The following LPP variants were observed in gnomAD, a reference collection of about 807,000 sequenced individuals.
LPP encodes the protein LIM domain containing preferred translocation partner in lipoma.
A neutral mutation model predicts 60.4 loss-of-function variants in LPP; 38 were observed. That is an observed-to-expected ratio of 0.63 (90% CI 0.49 to 0.83). The LOEUF (loss-of-function observed/expected upper bound fraction) is 0.83, where lower values mean the gene tolerates loss of function less well. Among genes scored for constraint, LPP ranks in the 40% least tolerant of loss-of-function variants. LPP has a pLI of 0.00. For synonymous variants in LPP, 328 were observed against 290.8 expected (o/e 1.13, Z -1.30); for missense variants, 902 against 783.6 (o/e 1.15, Z -1.80).
intron 8 of LPP, chr3:188,711,964 G>A (rs1711693553): frequency 6.6e-6 from 1 of 152,180 alleles, no homozygotes; most frequent in Non-Finnish European, 1.5e-5. Context: ...CTCATGAGGG[G>A]AGTTTTTGAC....
At chr3:188,852,641 A>C (rs1762929969) in intron 9 of LPP, among the ~76,000 whole-genome samples, 1 of 152,172 alleles carries the variant, frequency 6.6e-6, no homozygotes. Flanking sequence ...TCTGCCCTGG[A>C]ATGACACAGT....
intron 7 of LPP, among the ~76,000 whole-genome samples, chr3:188,674,197 G>A (rs1857518596): frequency 6.6e-6 from 1 of 151,892 alleles, no homozygotes; most frequent in Non-Finnish European, 1.5e-5. Flanking sequence ...GGGATACTAG[G>A]GTTGCAACAA....
At chr3:188,355,243 G>C (rs987689966) in intron 3 of LPP, among the ~76,000 whole-genome samples, 5 of 152,108 alleles carry the variant, frequency 3.3e-5, no homozygotes, top group African/African-American at 1.2e-4. Context: ...TCCTGACCTT[G>C]TGTTCTACCC....
At chr3:188,852,343 ATCT>A (rs1483287221) in intron 9 of LPP, among the ~76,000 whole-genome samples, 25 of 152,166 alleles carry the variant, frequency 1.6e-4, no homozygotes, top group Non-Finnish European at 3.4e-4. Context: ...ATCTCCCTCT[ATCT>A]GCATGTGGTC....
intron 4 of LPP, among the ~76,000 whole-genome samples, chr3:188,450,054 C>T (rs746660554): frequency 2.6e-5 from 4 of 152,136 alleles, no homozygotes; most frequent in African/African-American, 4.8e-5. Context: ...CCGCCCACCT[C>T]GGACTCCCAA....
chr3:188,375,536 G>A (rs1053030903), intron 3 of LPP, among the ~76,000 whole-genome samples: 10 of 152,158 alleles, frequency 6.6e-5, no homozygotes, highest in African/African-American at 2.4e-4. Flanking sequence ...TTGTATTTCT[G>A]TGGGATTGGT....
At chr3:188,805,435 G>A (rs1036388453) in intron 9 of LPP, among the ~76,000 whole-genome samples, 9 of 114,570 alleles carry the variant, frequency 7.9e-5, no homozygotes, top group African/African-American at 3.0e-4. Context: ...TAAGTACTGT[G>A]GTATTGTTTC....
chr3:188,653,254 T>G (rs753646457), intron 7 of LPP, among the ~76,000 whole-genome samples: 1 of 152,222 alleles, frequency 6.6e-6, no homozygotes, highest in Non-Finnish European at 1.5e-5. Flanking sequence ...AAAGGGGGCA[T>G]CACAGGACTT....
At chr3:188,415,803 A>G (rs185807655) in intron 4 of LPP, among the ~76,000 whole-genome samples, 5 of 152,208 alleles carry the variant, frequency 3.3e-5, no homozygotes, top group Non-Finnish European at 5.9e-5. Context: ...GGTCATTCCT[A>G]CAAAGAGGAC....
At chr3:188,647,321 G>A (rs140287506) in intron 7 of LPP, among the ~76,000 whole-genome samples, 239 of 152,234 alleles carry the variant, frequency 1.6e-3, no homozygotes, top group African/African-American at 5.6e-3. Context: ...CGTCTGCTGC[G>A]GTGCCTGATG....
chr3:188,685,528 A>C (rs1860516234), intron 7 of LPP, among the ~76,000 whole-genome samples: 1 of 152,252 alleles, frequency 6.6e-6, no homozygotes, highest in South Asian at 2.1e-4. Context: ...TGTATACCTT[A>C]TCTAATTTGT....
intron 9 of LPP, among the ~76,000 whole-genome samples, chr3:188,779,955 A>G (rs1045111826): frequency 5.4e-5 from 8 of 147,608 alleles, no homozygotes; most frequent in African/African-American, 2.1e-4. Context: ...TCTTATTTAA[A>G]TATATATATA....
chr3:188,830,339 G>T (rs1006757103), intron 9 of LPP, among the ~76,000 whole-genome samples: 3 of 150,618 alleles, frequency 2.0e-5, no homozygotes, highest in Admixed American at 2.0e-4. Flanking sequence ...ACCAGGCGCG[G>T]TGGCTCTGTA....
chr3:188,249,820 TTC>T (rs1420812710), intron 2 of LPP, among the ~76,000 whole-genome samples: 1 of 94,654 alleles, frequency 1.1e-5, no homozygotes, highest in South Asian at 3.6e-4. Flanking sequence ...CTTCCTCTCT[TTC>T]TCTGTCTACA....
chr3:188,459,396 C>G (rs897594756), intron 4 of LPP, among the ~76,000 whole-genome samples: 1 of 152,084 alleles, frequency 6.6e-6, no homozygotes, highest in Non-Finnish European at 1.5e-5. Context: ...GAGAGAGGTA[C>G]ATTATCAAGC....
chr3:188,716,465 G>T (rs1485051718), intron 8 of LPP, among the ~76,000 whole-genome samples: 3 of 152,166 alleles, frequency 2.0e-5, no homozygotes, highest in Admixed American at 2.0e-4. Flanking sequence ...CTGCACTAGT[G>T]GGACCAGTTG....
chr3:188,433,092 G>T (rs1791358974), intron 4 of LPP, among the ~76,000 whole-genome samples: 1 of 151,868 alleles, frequency 6.6e-6, no homozygotes, highest in South Asian at 2.1e-4. Flanking sequence ...TATCTAGGCT[G>T]GAGATTAACT....
chr3:188,695,784 C>T (rs1332669362), intron 7 of LPP, among the ~76,000 whole-genome samples: 3 of 152,230 alleles, frequency 2.0e-5, no homozygotes, highest in Non-Finnish European at 1.5e-5. Context: ...CATTGGTCTC[C>T]AGCTTCTGGT....
In LPP at chr3:188,882,366, A is replaced by AC. The variant is rs957454710; in HGVS notation, c.*7887_*7888insC. On this transcript the variant is annotated 3_prime_UTR_variant, in exon 12 of 12. Coordinates refer to ENST00000617246, the MANE Select transcript of LPP (RefSeq NM_001375462.1). The stretch of plus-strand genomic sequence containing the variant: ...GAAATTCCTTCTTAACAGAAAAAAA[A>AC]GGCTTCCAAATAATCAGGCTGAATG... 6.7e-5 allele frequency: 15 copies of AC among 225,122 alleles called. No homozygotes were observed. The highest frequency in any genetic ancestry group is 1.3e-3 in the Middle Eastern group (1 of 762). 13.9% of individuals were successfully genotyped at this position (225,122 alleles called of 1,614,324 possible). A position where few individuals can be genotyped will look rare whatever the true frequency, so the allele number is the denominator to read the frequency against.
Sources: gnomAD v4.1 joint callset for allele counts (sites outside exome capture counted in the v4.1 genomes callset) on GRCh38, gnomAD v4.1.1 for gene constraint, MANE v1.5 for transcripts, NCBI Gene and HGNC (gene_info 2026-07-23, HGNC 2026-07-21) for gene names.